CRNKL1: variants seen among roughly 807,000 people sequenced by gnomAD.
The protein encoded by CRNKL1 is crooked neck-like protein 1.
CRNKL1 carries 35 observed loss-of-function variants against 103.7 expected under a neutral mutation model. The ratio of observed to expected loss-of-function variants is 0.34; its 90% CI spans 0.26 to 0.45. CRNKL1 has a LOEUF of 0.45. Ranked by LOEUF, CRNKL1 falls within the 20% of genes least tolerant of loss-of-function variation. CRNKL1 has a pLI of 1.00. For missense variants in CRNKL1, 645 were observed against 836.0 expected (o/e 0.77, Z 2.82); for synonymous variants, 267 against 282.6 (o/e 0.94, Z 0.55).
chr20:20,051,920 A>G (rs2043754151), intron 1 of CRNKL1, among the ~76,000 whole-genome samples: 2 of 152,096 alleles, frequency 1.3e-5, no homozygotes, highest in Non-Finnish European at 1.5e-5. Flanking sequence ...CCCATGGCAT[A>G]TTCTACTTTG....
rs749548472 is a variant in CRNKL1, at chr20:20,048,413, G to C, written c.385C>G (p.Arg129Gly). 1.2e-6 allele frequency: 2 copies of C among 1,614,130 alleles called. No homozygotes were observed. Among genetic ancestry groups the C allele is most frequent in the Admixed American group, 3.3e-5 (2 of 60,018 alleles). The part of the protein sequence containing the change: ...LKYAEMEMKN[R>G]QVNHARNIWD... ...ATATTTCGAGCATGGTTGACTTGGC[G>C]ATTCTTCATTTCCATTTCTGCGTAT... The change falls in exon 4 of 14, where the codon CGC becomes GGC. Residue 129 changes from arginine (R) to glycine (G), a missense_variant. Transcript: ENST00000536226.
intron 11 of CRNKL1, among the ~76,000 whole-genome samples, chr20:20,039,255 T>C (rs143097514): frequency 1.9e-4 from 29 of 152,326 alleles, no homozygotes; most frequent in Admixed American, 8.5e-4. Flanking sequence ...GTGCAGTTCC[T>C]ACCTCCATCC....
At chr20:20,050,426 C>T (rs1269514967) in intron 2 of CRNKL1, 44 bp downstream of exon 2, 15 of 1,572,060 alleles carry the variant, frequency 9.5e-6, no homozygotes, top group Non-Finnish European at 1.3e-5. Context: ...CTGACCGATA[C>T]AGTCTTAACA....
In CRNKL1 at chr20:20,037,465, TCA is replaced by T. The variant is rs2043439076; in HGVS notation, c.1752_1753del (p.Cys584Ter). 3.1e-6 allele frequency: 5 copies of T among 1,614,208 alleles called. No individual in the cohort carries two copies. Among genetic ancestry groups the T allele is most frequent in the Non-Finnish European group, 4.2e-6 (5 of 1,180,032 alleles). ...CAGCATAAGTCTCTCTTCCTTTTCT[TCA>T]CAGTTTCGCATGGTTTTGTTAGCTT... On this transcript the variant is annotated stop_gained and frameshift_variant, in exon 13 of 14. Coordinates refer to ENST00000536226, the MANE Select transcript of CRNKL1 (RefSeq NM_001278628.2). LOFTEE classifies it high-confidence loss of function.
chr20:20,048,587 GT>G, intron 3 of CRNKL1, 86 bp from the exon 4 acceptor site: 1 of 1,356,964 alleles, frequency 7.4e-7, no homozygotes, highest in East Asian at 2.4e-5. Flanking sequence ...ATGCACTGAT[GT>G]TTTATTAGGT....
At chr20:20,041,716 A>T in intron 8 of CRNKL1, 91 bp from the exon 9 acceptor site, 1 of 910,488 alleles carries the variant, frequency 1.1e-6, no homozygotes, top group Non-Finnish European at 1.8e-6. Context: ...ATTGGTAAAA[A>T]TGTACACCCC....
chr20:20,045,608 G>GA, intron 5 of CRNKL1, 122 bp from the exon 6 acceptor site: 2 of 800,728 alleles, frequency 2.5e-6, no homozygotes, highest in Non-Finnish European at 1.9e-6. Flanking sequence ...AACTCTAGGG[G>GA]AACAAAACAC....
chr20:20,053,646 G>A (rs2146518298), upstream of CRNKL1, among the ~76,000 whole-genome samples: 1 of 152,228 alleles, frequency 6.6e-6, no homozygotes. Context: ...AAAGATTTAT[G>A]CAGATTTCTA....
chr20:20,050,859 A>C (rs1045955468), intron 1 of CRNKL1, among the ~76,000 whole-genome samples: 1 of 152,232 alleles, frequency 6.6e-6, no homozygotes, highest in African/African-American at 2.4e-5. Context: ...AAAAGGTGGC[A>C]AAAATAATAG....
chr20:20,052,600 C>G (rs1453072438), upstream of CRNKL1: 1 of 1,613,658 alleles, frequency 6.2e-7, no homozygotes, highest in Non-Finnish European at 8.5e-7. Flanking sequence ...AGGTGGGTAA[C>G]GCCGTGCTGA....
intron 7 of CRNKL1, 60 bp downstream of exon 7, chr20:20,043,432 T>C: frequency 6.7e-7 from 1 of 1,488,698 alleles, no homozygotes; most frequent in Non-Finnish European, 9.3e-7. Context: ...TTAGTGTTGC[T>C]AGTATTGATG....
At chr20:20,052,820 A>T, upstream of CRNKL1, 1 of 1,228,840 alleles carries the variant, frequency 8.1e-7, no homozygotes, top group Non-Finnish European at 1.1e-6. Context: ...CGACGGGGCG[A>T]GCTGCCGCCC....
upstream of CRNKL1, chr20:20,052,646 C>G (rs2043818506): frequency 1.9e-6 from 3 of 1,613,438 alleles, no homozygotes; most frequent in Non-Finnish European, 2.5e-6. Flanking sequence ...GCAGGGCGTC[C>G]AGGGCGCATC....
chr20:20,050,964 C>T (rs2043700746), intron 1 of CRNKL1, among the ~76,000 whole-genome samples: 1 of 152,210 alleles, frequency 6.6e-6, no homozygotes, highest in Non-Finnish European at 1.5e-5. Context: ...ATGTGTAGCA[C>T]ATCTTATTAA....
chr20:20,049,942 C>G (rs555225686), intron 2 of CRNKL1, among the ~76,000 whole-genome samples: 1 of 152,034 alleles, frequency 6.6e-6, no homozygotes, highest in Non-Finnish European at 1.5e-5. Context: ...CTCAGCCTCC[C>G]GAATAGCTGG....
chr20:20,037,678 T>A, intron 12 of CRNKL1, 107 bp from the exon 13 acceptor site: 1 of 998,990 alleles, frequency 1.0e-6, no homozygotes, highest in Non-Finnish European at 1.5e-6. Flanking sequence ...AAGTAATGTG[T>A]GCATCACTAA....
intron 9 of CRNKL1, 49 bp from the exon 10 acceptor site, chr20:20,040,815 T>C: frequency 8.1e-7 from 1 of 1,233,232 alleles, no homozygotes; most frequent in Non-Finnish European, 1.2e-6. Flanking sequence ...CTCATCCAAA[T>C]TAAATTGAAT....
upstream of CRNKL1, chr20:20,052,591 G>C: frequency 2.5e-6 from 4 of 1,613,874 alleles, no homozygotes; most frequent in Non-Finnish European, 3.4e-6. Context: ...CTGCGGATGA[G>C]GTGGGTAACG....
intron 2 of CRNKL1, among the ~76,000 whole-genome samples, chr20:20,049,748 G>C (rs1250964621): frequency 6.6e-6 from 1 of 151,988 alleles, no homozygotes; most frequent in Non-Finnish European, 1.5e-5. Context: ...AGAGTGAAGA[G>C]GTCAAATCAG....
Sources: allele counts gnomAD v4.1 joint callset (sites outside exome capture counted in the v4.1 genomes callset), GRCh38; gene constraint gnomAD v4.1.1; transcripts MANE v1.5; gene names NCBI Gene and HGNC (gene_info 2026-07-23, HGNC 2026-07-21).